The following GOSR1 variants were observed in gnomAD, a reference collection of about 807,000 sequenced individuals.
The protein encoded by GOSR1 is golgi SNAP receptor complex member 1.
GOSR1 carries 21 observed loss-of-function variants against 35.5 expected under a neutral mutation model. The observed-to-expected ratio is 0.59, with a 90% CI of 0.42 to 0.85. The LOEUF (loss-of-function observed/expected upper bound fraction) is 0.85, where lower values mean the gene tolerates loss of function less well. GOSR1 is among the 40% of genes least tolerant of loss of function. The pLI, the probability that GOSR1 is intolerant of heterozygous loss-of-function variation, is 0.00. For missense variants in GOSR1, 285 were observed against 309.6 expected, an observed-to-expected ratio of 0.92 and a Z score of 0.60; for synonymous variants, 94 against 106.6, an observed-to-expected ratio of 0.88 and a Z score of 0.73.
intron 6 of GOSR1, among the ~76,000 whole-genome samples, chr17:30,509,669 A>C (rs1026832264): frequency 1.2e-4 from 19 of 152,114 alleles, no homozygotes; most frequent in African/African-American, 4.6e-4. Context: ...TTACCTATTC[A>C]TTTCTCCCTA....
rs1398822061 is a variant in GOSR1, at chr17:30,523,363, TGAG to T, written c.*989_*991del. ...CCCGGCCGCGACCCCGTCTGGGAGG[TGAG>T]GAGCGTCTCTGTCTGGCCACCCCGT... On this transcript the variant is annotated 3_prime_UTR_variant, in exon 9 of 9. Transcript: ENST00000451249. 5.7e-6 allele frequency: 1 copy of T among 174,148 alleles called. No individual in the cohort carries two copies. The highest frequency in any genetic ancestry group is 1.2e-5 in the Non-Finnish European group (1 of 83,988). 10.8% of individuals were successfully genotyped at this position (174,148 alleles called of 1,614,324 possible).
At position 30,499,316 on chromosome 17, in the gene GOSR1, TTGTG is replaced by T. The variant is rs1192621292; in HGVS notation, c.509+6566_509+6569del. Among the ~76,000 whole-genome samples the T allele has an allele frequency of 4.6e-5, 7 of 151,938 alleles. No individual in the cohort carries two copies. In the South Asian group the frequency reaches 1.0e-3, roughly 23 times the overall value. On this transcript the variant is annotated intron_variant, in intron 6 of 8. Coordinates refer to ENST00000451249, the MANE Select transcript of GOSR1 (RefSeq NM_001007025.2). ...ATTATGAACATTCATAAACAAAACTTTGTGTGGTCACATGTTCTCATTCCTCTTT... is the reference window on the plus strand; with the variant it reads ...ATTATGAACATTCATAAACAAAACTTTGGTCACATGTTCTCATTCCTCTTT...
At chr17:30,518,391 AT>A in intron 7 of GOSR1, among the ~76,000 whole-genome samples, 1 of 152,168 alleles carries the variant, frequency 6.6e-6, no homozygotes, top group East Asian at 1.9e-4. Flanking sequence ...CAAGTCAGGA[AT>A]TTATACTCTC....
chr17:30,481,353 A>T, intron 2 of GOSR1, 96 bp downstream of exon 2: 1 of 828,990 alleles, frequency 1.2e-6, no homozygotes. Context: ...AAGTTGGTCT[A>T]TTGGTGAATT....
intron 6 of GOSR1, among the ~76,000 whole-genome samples, chr17:30,504,912 A>G (rs1967345225): frequency 6.6e-6 from 1 of 152,242 alleles, no homozygotes; most frequent in South Asian, 2.1e-4. Flanking sequence ...GAACAGATAC[A>G]AGAGAATTAT....
At chr17:30,490,088 A>G (rs1914941639) in intron 4 of GOSR1, 38 bp from the exon 5 acceptor site, 4 of 934,114 alleles carry the variant, frequency 4.3e-6, no homozygotes, top group Non-Finnish European at 7.1e-6. Flanking sequence ...AAAATCCATA[A>G]TTAGCTTCTG....
At chr17:30,489,752 A>C (rs999622414) in intron 4 of GOSR1, among the ~76,000 whole-genome samples, 1 of 152,188 alleles carries the variant, frequency 6.6e-6, no homozygotes, top group Non-Finnish European at 1.5e-5. Context: ...AAAATGATGA[A>C]ATTTGAAAAT....
chr17:30,521,588 CAAAAA>C (rs34019339), intron 8 of GOSR1, among the ~76,000 whole-genome samples: 1 of 132,188 alleles, frequency 7.6e-6, no homozygotes, highest in Non-Finnish European at 1.6e-5. Flanking sequence ...AGAATGTGTT[CAAAAA>C]AAAAAAAAAT....
intron 2 of GOSR1, among the ~76,000 whole-genome samples, chr17:30,482,431 G>T (rs1022322195): frequency 6.6e-6 from 1 of 152,182 alleles, no homozygotes; most frequent in African/African-American, 2.4e-5. Flanking sequence ...TATAAATGCT[G>T]CTGGGAACAT....
intron 7 of GOSR1, among the ~76,000 whole-genome samples, chr17:30,513,443 A>C (rs1597795065): frequency 6.6e-6 from 1 of 152,194 alleles, no homozygotes; most frequent in African/African-American, 2.4e-5. Flanking sequence ...CCTAGATTTC[A>C]TTCTGCTTGA....
intron 6 of GOSR1, among the ~76,000 whole-genome samples, chr17:30,509,192 G>GT (rs1011107083): frequency 1.4e-4 from 22 of 152,118 alleles, no homozygotes; most frequent in Non-Finnish European, 3.1e-4. Flanking sequence ...GGGCAGGCTG[G>GT]TCAAGGACTC....
chr17:30,481,692 G>A (rs185100150), intron 2 of GOSR1, among the ~76,000 whole-genome samples: 2 of 152,264 alleles, frequency 1.3e-5, no homozygotes, highest in Admixed American at 6.5e-5. Flanking sequence ...AATGCACTGT[G>A]TATCCTTGTT....
At chr17:30,490,939 GTCA>G (rs1258274557) in intron 5 of GOSR1, among the ~76,000 whole-genome samples, 2 of 152,050 alleles carry the variant, frequency 1.3e-5, no homozygotes, top group African/African-American at 4.8e-5. Context: ...AATGATACCT[GTCA>G]TCATCTCATT....
intron 6 of GOSR1, among the ~76,000 whole-genome samples, chr17:30,506,566 T>C (rs1967409487): frequency 6.6e-6 from 1 of 152,254 alleles, no homozygotes; most frequent in Non-Finnish European, 1.5e-5. Context: ...AGAAGCCATC[T>C]CTATAATATA....
At chr17:30,496,125 T>C (rs561985269) in intron 6 of GOSR1, among the ~76,000 whole-genome samples, 16 of 152,290 alleles carry the variant, frequency 1.1e-4, no homozygotes, top group South Asian at 1.0e-3. Context: ...ACCCCTTTCC[T>C]ATAGTTGTTA....
intron 6 of GOSR1, among the ~76,000 whole-genome samples, chr17:30,497,979 A>G (rs1967059463): frequency 6.7e-6 from 1 of 149,088 alleles, no homozygotes; most frequent in African/African-American, 2.5e-5. Context: ...AATTGCTTGA[A>G]CCTGGCAGGC....
intron 7 of GOSR1, among the ~76,000 whole-genome samples, chr17:30,511,160 T>G (rs922362782): frequency 6.6e-6 from 1 of 152,242 alleles, no homozygotes; most frequent in Non-Finnish European, 1.5e-5. Flanking sequence ...CCAATTAATT[T>G]ATACTTAATA....
chr17:30,521,481 C>G (rs1236114878), intron 8 of GOSR1, among the ~76,000 whole-genome samples: 1 of 151,800 alleles, frequency 6.6e-6, no homozygotes, highest in African/African-American at 2.4e-5. Flanking sequence ...CCCTGCCCAG[C>G]CCAACACTAA....
chr17:30,498,630 T>TTTGTC (rs1484946135), intron 6 of GOSR1, among the ~76,000 whole-genome samples: 1 of 152,220 alleles, frequency 6.6e-6, no homozygotes, highest in African/African-American at 2.4e-5. Flanking sequence ...TGACCATGCC[T>TTTGTC]TTGTCTTCTC....
Sources: allele counts gnomAD v4.1 joint callset (sites outside exome capture counted in the v4.1 genomes callset), GRCh38; gene constraint gnomAD v4.1.1; transcripts MANE v1.5; gene names NCBI Gene and HGNC (gene_info 2026-07-23, HGNC 2026-07-21).